The following ANKRD35 variants were observed in gnomAD, a reference collection of about 807,000 sequenced individuals.
ANKRD35 encodes ankyrin repeat domain 35, also known as ankyrin repeat domain-containing protein 35.
In ANKRD35, 102 loss-of-function variants were observed where a neutral mutation model predicts 109.9. That is an observed-to-expected ratio of 0.93 (90% CI 0.79 to 1.09). ANKRD35 has a LOEUF of 1.09. Among genes scored for constraint, ANKRD35 ranks in the 50% least tolerant of loss-of-function variants. ANKRD35 has a pLI of 0.00. For synonymous variants in ANKRD35, 515 were observed against 512.4 expected (o/e 1.01, Z -0.07); for missense variants, 1,240 against 1,230.1 (o/e 1.01, Z -0.12).
chr1:145,867,240 C>T, intron 13 of ANKRD35, 47 bp downstream of exon 13: 1 of 1,323,928 alleles, frequency 7.6e-7, no homozygotes, highest in Non-Finnish European at 1.1e-6. Context: ...TTTCCCAAGC[C>T]CTTTCTCCCA....
intron 1 of ANKRD35, among the ~76,000 whole-genome samples, chr1:145,882,199 C>G (rs1198867680): frequency 6.6e-6 from 1 of 151,826 alleles, no homozygotes; most frequent in Non-Finnish European, 1.5e-5. Flanking sequence ...CGTGATCTGC[C>G]CTCCTCGGCC....
chr1:145,873,911 C>T lies in ANKRD35; in HGVS notation c.858G>A (p.Glu286=), dbSNP rs1008895695. Residue 286 remains glutamate, a synonymous_variant, in exon 10 of 14, where the codon GAG becomes GAA. Coordinates refer to ENST00000355594, the MANE Select transcript of ANKRD35 (RefSeq NM_144698.5). ...AGCACGGGTCTTCATCCTCCTTCTC[C>T]TCTTGCTCCTCTTCAGGCTCTGCTC... is the stretch of plus-strand genomic sequence containing the variant. The part of the protein sequence containing the change: ...SWRAEPEEEQ[E]EKEDEDPCSE... 3.7e-6 allele frequency: 6 copies of T among 1,614,216 alleles called. No individual in the cohort carries two copies. The highest frequency in any genetic ancestry group is 1.7e-5 in the Admixed American group (1 of 60,030).
At position 145,874,928 on chromosome 1, in the gene ANKRD35, C is replaced by T; in HGVS notation, c.639G>A (p.Gly213=). 6.2e-7 allele frequency: 1 copy of T among 1,613,584 alleles called. No individual in the cohort carries two copies. The highest frequency in any genetic ancestry group is 8.5e-7 in the Non-Finnish European group (1 of 1,179,808). ...CATCATGCCCTGTGCTGTCCACAGC[C>T]CCCGCGTCAGCTCCGTGGCTCAGGA... is the stretch of plus-strand genomic sequence containing the variant. The part of the protein sequence containing the change: ...ELLLSHGADA[G]AVDSTGHDAL... The change falls in exon 8 of 14, where the codon GGG becomes GGA. Residue 213 remains glycine (G), a synonymous_variant. Coordinates refer to ENST00000355594, the MANE Select transcript of ANKRD35 (RefSeq NM_144698.5).
chr1:145,882,296 C>CTTTTTTTT (rs57073568), intron 1 of ANKRD35, among the ~76,000 whole-genome samples: 1 of 103,554 alleles, frequency 9.7e-6, no homozygotes, highest in Non-Finnish European at 2.0e-5. Context: ...TCTTTCTTTC[C>CTTTTTTTT]TTTTTTTTTT....
chr1:145,869,473 C>T (rs782749689), intron 10 of ANKRD35, among the ~76,000 whole-genome samples: 8 of 149,876 alleles, frequency 5.3e-5, no homozygotes, highest in Admixed American at 1.3e-4. Context: ...TGAGCCACTG[C>T]GCCCAGCCTG....
rs1553738892 is a variant in ANKRD35 at position 145,872,348 on chromosome 1, G to A, written c.2421C>T (p.Ile807=). The A allele has an allele frequency of 1.2e-6, 2 of 1,612,632 alleles. No homozygotes were observed. The highest frequency in any genetic ancestry group is 1.3e-5 in the African/African-American group (1 of 74,906). The change falls in exon 10 of 14, where the codon ATC becomes ATT. Residue 807 remains isoleucine, a synonymous_variant. Transcript: ENST00000355594. Reference sequence around the variant, plus strand: ...GGTAGAGCAGCTGCTTCAGCTTTCCGATCTCCTGGCTCTTCCCGCTCATCG... The same window carrying A: ...GGTAGAGCAGCTGCTTCAGCTTTCCAATCTCCTGGCTCTTCCCGCTCATCG... ...QATMSGKSQE[I]GKLKQLLYQA... is the part of the protein sequence containing the mutation.
rs587656537 is a variant in ANKRD35 at position 145,868,715 on chromosome 1, C to T, written c.2788-315G>A. Among the ~76,000 whole-genome samples the T allele has an allele frequency of 6.8e-4, 104 of 152,310 alleles. 1 individual carries two copies. Among genetic ancestry groups the T allele is most frequent in the African/African-American group, 2.2e-3 (93 of 41,568 alleles). The stretch of plus-strand genomic sequence containing the variant: ...TGTCAGTTACCTTTTAAAATTTGCA[C>T]ACATTATGATTAAAAGTGGGCCTCT... On this transcript the variant is annotated intron_variant, in intron 10 of 13. Transcript: ENST00000355594.
chr1:145,876,729 G>T, intron 5 of ANKRD35, 87 bp downstream of exon 5: 1 of 1,608,418 alleles, frequency 6.2e-7, no homozygotes. Flanking sequence ...TTCATTGGTT[G>T]GCCCTGGCTG....
intron 4 of ANKRD35, 124 bp from the exon 5 acceptor site, chr1:145,876,997 G>T: frequency 1.1e-6 from 1 of 935,596 alleles, no homozygotes. Context: ...TTTGGAGAAG[G>T]CTATCTACTA....
rs1384619117 is a variant in ANKRD35, at chr1:145,869,116, T to TA, written c.2788-717dup. Among the ~76,000 whole-genome samples, 106 of 149,408 alleles carry TA rather than the reference T, an allele frequency of 7.1e-4. 1 individual carries two copies. The highest frequency in any genetic ancestry group is 2.5e-3 in the South Asian group (12 of 4,716). On this transcript the variant is annotated intron_variant, in intron 10 of 13. Coordinates refer to ENST00000355594, the MANE Select transcript of ANKRD35 (RefSeq NM_144698.5). ...AAAACATTGAAAACTTAAAAAAATT[T>TA]AAAAAAAAAACAGCTTTTCTTCCGG...
At position 145,872,632 on chromosome 1, in the gene ANKRD35, C is replaced by G. The variant is rs1054343987; in HGVS notation, c.2137G>C (p.Val713Leu). 1 of 1,613,966 alleles carries G rather than the reference C, an allele frequency of 6.2e-7. No individual in the cohort carries two copies. Among genetic ancestry groups the G allele is most frequent in the African/African-American group, 1.3e-5 (1 of 74,952 alleles). The change falls in exon 10 of 14, where the codon GTG becomes CTG. Residue 713 changes from valine to leucine, a missense_variant. Coordinates refer to ENST00000355594, the MANE Select transcript of ANKRD35 (RefSeq NM_144698.5). ...TTGCTTTGTGCACTCCTCTCGCCCA[C>G]TAGGTCTGCGGGCAGGCAGTCCCAC... is the stretch of plus-strand genomic sequence containing the variant. ...GLWDCLPADL[V>L]GERSAQSKAA... is the part of the protein sequence containing the mutation.
intron 10 of ANKRD35, among the ~76,000 whole-genome samples, chr1:145,868,713 C>T (rs1553738151): frequency 1.3e-5 from 2 of 152,316 alleles, no homozygotes; most frequent in East Asian, 3.9e-4. Context: ...TTAAAATTTG[C>T]ACACATTATG....
At chr1:145,883,076 ATTTTTTTTTTT>A (rs34686883) in intron 1 of ANKRD35, among the ~76,000 whole-genome samples, 1 of 83,428 alleles carries the variant, frequency 1.2e-5, no homozygotes, top group African/African-American at 4.2e-5. Context: ...GACAGTACCA[ATTTTTTTTTTT>A]TTTTTTTTTT....
chr1:145,872,808 C>A lies in ANKRD35; in HGVS notation c.1961G>T (p.Arg654Leu), dbSNP rs587604541. Residue 654 changes from arginine (R) to leucine (L), a missense_variant, in exon 10 of 14, where the codon CGG (arginine) becomes CTG (leucine). Transcript: ENST00000355594. ...CGCCTGTGGCTTGGGCACAAACTCC[C>A]GCTGCAGCCGCTGGCTCAGGGACTG... The part of the protein sequence containing the change: ...ELQSLSQRLQ[R>L]EFVPKPQAQV... 6.2e-7 allele frequency: 1 copy of A among 1,613,896 alleles called. No homozygotes were observed. Among genetic ancestry groups the A allele is most frequent in the African/African-American group, 1.3e-5 (1 of 75,032 alleles).
Position 145,868,314 on chromosome 1 carries a change from C to G in ANKRD35, c.2874G>C (p.Leu958=). 6 of 1,614,168 alleles carry G rather than the reference C, an allele frequency of 3.7e-6. 1 individual carries two copies. The South Asian group carries it at 6.6e-5, about 18-fold the overall frequency. ...ATCCCTGACAGCCAAAACATACCTG[C>G]AGCTGCAGGGCAAGGCGAGCATTTT... ...RGENARLALQ[L]QDSQKNHEEI... is the part of the protein sequence containing the mutation. The change falls in exon 11 of 14, where the codon CTG becomes CTC. Residue 958 remains leucine, a synonymous_variant. Coordinates refer to ENST00000355594, the MANE Select transcript of ANKRD35 (RefSeq NM_144698.5).
chr1:145,876,340 A>G, intron 6 of ANKRD35, 94 bp from the exon 7 acceptor site: 1 of 1,303,932 alleles, frequency 7.7e-7, no homozygotes, highest in African/African-American at 1.5e-5. Context: ...CTGTCCAAAA[A>G]AAATAAAAGC....
chr1:145,876,464 G>T, intron 6 of ANKRD35, 105 bp downstream of exon 6: 1 of 1,336,770 alleles, frequency 7.5e-7, no homozygotes, highest in South Asian at 1.2e-5. Context: ...GAAGAGAAGG[G>T]TGGTGCTAAC....
Position 145,873,338 on chromosome 1 carries a change from G to A in ANKRD35, c.1431C>T (p.Gly477=), listed in dbSNP as rs782608554. ...CTGGGCCCACTGGTTCAGCCACTGT[G>A]CCTCCTGGTTCAACTCCTAGAACCT... ...SSQVLGVEPG[G]TVAEPVGPAA... The change falls in exon 10 of 14, where the codon GGC becomes GGT. Residue 477 remains glycine, a synonymous_variant. Coordinates refer to ENST00000355594, the MANE Select transcript of ANKRD35 (RefSeq NM_144698.5). 7 of 1,614,166 alleles carry A rather than the reference G, an allele frequency of 4.3e-6. No homozygotes were observed. Among genetic ancestry groups the A allele is most frequent in the Middle Eastern group, 1.6e-4 (1 of 6,062 alleles).
At position 145,876,836 on chromosome 1, in the gene ANKRD35, C is replaced by T. The variant is rs199622120; in HGVS notation, c.362G>A (p.Arg121His). ...CACACCTGCCCAGTGCAATGGACTA[C>T]GGTTTTCTGCATCCACAGCATCTTC... Reference protein sequence around the residue: ...ANEDAVDAENRSPLHWAASSG... With the variant: ...ANEDAVDAENHSPLHWAASSG... Residue 121 changes from arginine to histidine, a missense_variant, in exon 5 of 14, where the codon CGT becomes CAT. Coordinates refer to ENST00000355594, the MANE Select transcript of ANKRD35 (RefSeq NM_144698.5). 59 of 1,614,128 alleles carry T rather than the reference C, an allele frequency of 3.7e-5. No homozygotes were observed. The highest frequency in any genetic ancestry group is 2.0e-4 in the Admixed American group (12 of 60,020).
Sources: gnomAD v4.1 joint callset for allele counts (sites outside exome capture counted in the v4.1 genomes callset) on GRCh38, gnomAD v4.1.1 for gene constraint, MANE v1.5 for transcripts, NCBI Gene and HGNC (gene_info 2026-07-23, HGNC 2026-07-21) for gene names.